Variants in RNF121 observed in about 807,000 individuals in gnomAD.
RNF121 encodes E3 ubiquitin ligase RNF121.
Under a neutral mutation model 46.5 loss-of-function variants are expected in RNF121, and 21 were observed. The ratio of observed to expected loss-of-function variants is 0.45; its 90% CI spans 0.32 to 0.65. The LOEUF (loss-of-function observed/expected upper bound fraction) is 0.65, where lower values mean the gene tolerates loss of function less well. Ranked by LOEUF, RNF121 falls within the 30% of genes least tolerant of loss-of-function variation. RNF121 has a pLI of 0.04. For synonymous variants in RNF121, 139 were observed against 144.7 expected (o/e 0.96, Z 0.28); for missense variants, 346 against 416.0 (o/e 0.83, Z 1.46).
At chr11:71,950,050 C>T (rs949026652) in intron 1 of RNF121, among the ~76,000 whole-genome samples, 1 of 151,716 alleles carries the variant, frequency 6.6e-6, no homozygotes, top group Non-Finnish European at 1.5e-5. Context: ...GCACAAAAAA[C>T]CCAAAAACAA....
At chr11:71,942,772 G>GTATATATATATATATATATATAGATATA (rs1201537010) in intron 1 of RNF121, among the ~76,000 whole-genome samples, 1 of 18,928 alleles carries the variant, frequency 5.3e-5, no homozygotes, top group East Asian at 8.1e-4. Flanking sequence ...CTATATATCT[G>GTATATATATATATATATATATAGATATA]TATATATATA....
intron 3 of RNF121, among the ~76,000 whole-genome samples, chr11:71,980,114 C>G (rs552461131): frequency 2.0e-5 from 3 of 152,144 alleles, no homozygotes; most frequent in Admixed American, 1.3e-4. Context: ...TTAGTACATC[C>G]TGGTGCTTCC....
chr11:71,982,668 C>A, intron 3 of RNF121, 93 bp from the exon 4 acceptor site: 2 of 1,375,792 alleles, frequency 1.5e-6, no homozygotes, highest in South Asian at 1.5e-5. Context: ...AGGAGAGGAT[C>A]AAGCTAAAAT....
intron 7 of RNF121, 37 bp from the exon 8 acceptor site, chr11:71,995,413 C>T: frequency 1.3e-6 from 2 of 1,527,194 alleles, no homozygotes; most frequent in Non-Finnish European, 8.9e-7. Context: ...GAGTGCCGCC[C>T]TGGCTCTCAC....
At chr11:71,982,317 C>G (rs945985969) in intron 3 of RNF121, among the ~76,000 whole-genome samples, 1 of 111,278 alleles carries the variant, frequency 9.0e-6, no homozygotes, top group Non-Finnish European at 1.7e-5. Flanking sequence ...ACCTGGGCAA[C>G]AGAGCAAGAC....
chr11:71,991,968 A>T (rs967685600), intron 6 of RNF121, among the ~76,000 whole-genome samples: 1 of 151,012 alleles, frequency 6.6e-6, no homozygotes, highest in East Asian at 1.9e-4. Flanking sequence ...AAAAAAAAAA[A>T]CCTAGCCGGG....
At chr11:71,987,333 T>A (rs1954790677) in intron 5 of RNF121, among the ~76,000 whole-genome samples, 1 of 152,206 alleles carries the variant, frequency 6.6e-6, no homozygotes, top group Non-Finnish European at 1.5e-5. Context: ...CTAAATCATA[T>A]TTTCCAAGGC....
chr11:71,978,643 A>G (rs1954584408), intron 3 of RNF121, among the ~76,000 whole-genome samples: 1 of 152,178 alleles, frequency 6.6e-6, no homozygotes, highest in Non-Finnish European at 1.5e-5. Context: ...TTTTATACAT[A>G]TTACTTCCAT....
At chr11:71,981,325 C>T (rs922030075) in intron 3 of RNF121, among the ~76,000 whole-genome samples, 1 of 152,216 alleles carries the variant, frequency 6.6e-6, no homozygotes, top group South Asian at 2.1e-4. Flanking sequence ...GCTGGGATTA[C>T]AAGTGTGAGC....
At chr11:71,978,274 C>T (rs1954574209) in intron 3 of RNF121, 2 of 385,824 alleles carry the variant, frequency 5.2e-6, no homozygotes, top group African/African-American at 2.2e-5. Flanking sequence ...CTGTTCTGTT[C>T]ACTCAGCTCC....
In RNF121 at chr11:71,996,929, C is replaced by T; in HGVS notation, c.*614C>T. 6.6e-6 allele frequency: 1 copy of T among 152,514 alleles called. No individual in the cohort carries two copies. The highest frequency in any genetic ancestry group is 1.5e-5 in the Non-Finnish European group (1 of 68,158). The allele number at this position is 152,514 out of a possible 1,614,324, so 9.4% of individuals were successfully genotyped here. ...AAGTGGAACCTTATCAGTGACTTGGCCAACAAGGGAAGCCTTGGGGCCTCA... is the reference window on the plus strand; with the variant it reads ...AAGTGGAACCTTATCAGTGACTTGGTCAACAAGGGAAGCCTTGGGGCCTCA... On this transcript the variant is annotated 3_prime_UTR_variant, in exon 9 of 9. Coordinates refer to ENST00000361756, the MANE Select transcript of RNF121 (RefSeq NM_018320.5).
intron 6 of RNF121, among the ~76,000 whole-genome samples, chr11:71,993,758 G>A (rs1954912864): frequency 6.6e-6 from 1 of 151,818 alleles, no homozygotes. Context: ...AACTTTTTGA[G>A]GACATGCCAA....
At chr11:71,993,948 C>T (rs1954918041) in intron 6 of RNF121, among the ~76,000 whole-genome samples, 1 of 151,062 alleles carries the variant, frequency 6.6e-6, no homozygotes, top group Admixed American at 6.6e-5. Flanking sequence ...TCACGCCATT[C>T]TCCTGCCTCA....
Position 71,996,448 on chromosome 11 carries a change from G to A in RNF121, c.*133G>A, listed in dbSNP as rs924132294. On this transcript the variant is annotated 3_prime_UTR_variant, in exon 9 of 9. Transcript: ENST00000361756. ...TGGGCCACTCAGGACCCCTCTGGCT[G>A]TGTCGGACTGGGGAGGGATATGATG... 5.8e-6 allele frequency: 6 copies of A among 1,031,334 alleles called. No homozygotes were observed. The highest frequency in any genetic ancestry group is 4.8e-5 in the African/African-American group (3 of 61,872). 63.9% of individuals were successfully genotyped at this position (1,031,334 alleles called of 1,614,324 possible). A position where few individuals can be genotyped will look rare whatever the true frequency, so the allele number is the denominator to read the frequency against.
chr11:71,975,755 A>G (rs571849514), intron 3 of RNF121, among the ~76,000 whole-genome samples: 50 of 152,340 alleles, frequency 3.3e-4, no homozygotes, highest in African/African-American at 1.1e-3. Flanking sequence ...GAAAGAAGAC[A>G]TAGTTCTAGG....
intron 2 of RNF121, among the ~76,000 whole-genome samples, chr11:71,960,490 A>G (rs1432431486): frequency 6.6e-6 from 1 of 152,110 alleles, no homozygotes; most frequent in Non-Finnish European, 1.5e-5. Context: ...TGTTTCTTCC[A>G]TGGGGGCAGG....
chr11:71,946,428 G>A (rs76905273), intron 1 of RNF121, among the ~76,000 whole-genome samples: 4,943 of 152,178 alleles, frequency 0.032, 76 homozygotes, highest in East Asian at 0.078. Context: ...AGGTCTTGCC[G>A]TGTTGCCCAG....
chr11:71,976,149 G>A (rs1349684119), intron 3 of RNF121, among the ~76,000 whole-genome samples: 1 of 151,946 alleles, frequency 6.6e-6, no homozygotes, highest in African/African-American at 2.4e-5. Context: ...GTCTTCAGTT[G>A]TTCCTTATGT....
chr11:71,963,231 A>AT (rs1428210392), intron 3 of RNF121, among the ~76,000 whole-genome samples: 1 of 152,142 alleles, frequency 6.6e-6, no homozygotes, highest in Non-Finnish European at 1.5e-5. Context: ...CAGTATATCT[A>AT]TTTTTTAATT....
Sources: allele counts gnomAD v4.1 joint callset (sites outside exome capture counted in the v4.1 genomes callset), GRCh38; gene constraint gnomAD v4.1.1; transcripts MANE v1.5; gene names NCBI Gene and HGNC (gene_info 2026-07-23, HGNC 2026-07-21).